The following CNTNAP2 variants were observed in gnomAD, a reference collection of about 807,000 sequenced individuals.
CNTNAP2 encodes contactin associated protein 2.
CNTNAP2 carries 98 observed loss-of-function variants against 155.2 expected under a neutral mutation model. That is an observed-to-expected ratio of 0.63 (90% CI 0.54 to 0.75). CNTNAP2 has a LOEUF of 0.75. Among genes scored for constraint, CNTNAP2 ranks in the 30% least tolerant of loss-of-function variants. The pLI, the probability that CNTNAP2 is intolerant of heterozygous loss-of-function variation, is 0.00. For synonymous variants in CNTNAP2, 651 were observed against 631.2 expected (o/e 1.03, Z -0.47); for missense variants, 1,727 against 1,688.1 (o/e 1.02, Z -0.40).
chr7:146,833,030 TGG>T (rs1264941229), intron 2 of CNTNAP2, among the ~76,000 whole-genome samples: 2 of 152,152 alleles, frequency 1.3e-5, no homozygotes, highest in Non-Finnish European at 2.9e-5. Context: ...TATATATAAT[TGG>T]TAGCCTTTCC....
At chr7:148,332,255 G>C (rs929218817) in intron 21 of CNTNAP2, among the ~76,000 whole-genome samples, 1 of 151,590 alleles carries the variant, frequency 6.6e-6, no homozygotes, top group African/African-American at 2.4e-5. Context: ...AACTATTGTA[G>C]AGCATTGAAT....
At chr7:148,021,105 G>A (rs760405648) in intron 15 of CNTNAP2, among the ~76,000 whole-genome samples, 3 of 152,068 alleles carry the variant, frequency 2.0e-5, no homozygotes, top group Non-Finnish European at 4.4e-5. Context: ...TAATAATAAA[G>A]CCAAAAGGAA....
chr7:146,570,338 C>T (rs528025353), intron 1 of CNTNAP2, among the ~76,000 whole-genome samples: 4 of 152,024 alleles, frequency 2.6e-5, no homozygotes, highest in Non-Finnish European at 5.9e-5. Flanking sequence ...TTTGAACGGT[C>T]TGTTTTGATA....
At chr7:146,253,415 C>T (rs539130479) in intron 1 of CNTNAP2, among the ~76,000 whole-genome samples, 1 of 152,246 alleles carries the variant, frequency 6.6e-6, no homozygotes, top group African/African-American at 2.4e-5. Context: ...CCACACACTG[C>T]AGCGATCACA....
chr7:146,819,794 A>G (rs1451245444), intron 2 of CNTNAP2, among the ~76,000 whole-genome samples: 1 of 152,138 alleles, frequency 6.6e-6, no homozygotes, highest in African/African-American at 2.4e-5. Context: ...TCAACTCAGA[A>G]TGTCTAGAAG....
At chr7:147,247,491 T>A (rs562271860) in intron 8 of CNTNAP2, among the ~76,000 whole-genome samples, 7 of 152,330 alleles carry the variant, frequency 4.6e-5, no homozygotes, top group Non-Finnish European at 1.0e-4. Context: ...TTTGAAAACA[T>A]CTTCTATGGA....
At chr7:146,677,736 A>C (rs1800426909) in intron 1 of CNTNAP2, among the ~76,000 whole-genome samples, 1 of 151,966 alleles carries the variant, frequency 6.6e-6, no homozygotes, top group Non-Finnish European at 1.5e-5. Context: ...TTGTTTACTA[A>C]GAATTTACAT....
At chr7:146,422,072 G>C (rs1796019975) in intron 1 of CNTNAP2, among the ~76,000 whole-genome samples, 1 of 151,080 alleles carries the variant, frequency 6.6e-6, no homozygotes. Context: ...CACATCAACT[G>C]TATTATTTAT....
intron 3 of CNTNAP2, among the ~76,000 whole-genome samples, chr7:146,888,222 T>C (rs1295084113): frequency 6.6e-6 from 1 of 152,132 alleles, no homozygotes; most frequent in Admixed American, 6.6e-5. Flanking sequence ...TCATTAAATA[T>C]ACTTTGGTTT....
intron 13 of CNTNAP2, among the ~76,000 whole-genome samples, chr7:147,661,089 C>G (rs1795601964): frequency 6.6e-6 from 1 of 152,122 alleles, no homozygotes; most frequent in East Asian, 1.9e-4. Context: ...ATGTACCTAT[C>G]TTTCCTGGGC....
chr7:147,649,883 A>G (rs987138901), intron 13 of CNTNAP2, among the ~76,000 whole-genome samples: 1 of 152,086 alleles, frequency 6.6e-6, no homozygotes, highest in African/African-American at 2.4e-5. Context: ...AAAAAAATGT[A>G]CTTTAAACTT....
At chr7:146,217,770 A>G (rs1799136845) in intron 1 of CNTNAP2, among the ~76,000 whole-genome samples, 2 of 152,172 alleles carry the variant, frequency 1.3e-5, no homozygotes, top group Non-Finnish European at 2.9e-5. Flanking sequence ...TTTCCAGGGT[A>G]ATTGAAGCCT....
chr7:147,811,931 T>G (rs1429389789), intron 13 of CNTNAP2, among the ~76,000 whole-genome samples: 1 of 152,166 alleles, frequency 6.6e-6, no homozygotes, highest in Non-Finnish European at 1.5e-5. Context: ...TGATAAATAC[T>G]AAACGCAAGA....
chr7:146,976,808 G>T (rs1439856632), intron 3 of CNTNAP2, among the ~76,000 whole-genome samples: 1 of 152,180 alleles, frequency 6.6e-6, no homozygotes, highest in Non-Finnish European at 1.5e-5. Context: ...ACCCGGCAAA[G>T]CCTGTCTGTT....
chr7:146,347,108 A>C (rs1794830316), intron 1 of CNTNAP2, among the ~76,000 whole-genome samples: 1 of 145,074 alleles, frequency 6.9e-6, no homozygotes, highest in Admixed American at 7.0e-5. Context: ...ATGGAAAGCC[A>C]GGATAGTGTG....
chr7:146,765,888 A>T, intron 1 of CNTNAP2, among the ~76,000 whole-genome samples: 1 of 152,096 alleles, frequency 6.6e-6, no homozygotes, highest in East Asian at 1.9e-4. Context: ...GAGAGGATGG[A>T]AAGGCCTTTG....
At chr7:146,170,217 G>A (rs1431957841) in intron 1 of CNTNAP2, among the ~76,000 whole-genome samples, 1 of 151,936 alleles carries the variant, frequency 6.6e-6, no homozygotes, top group African/African-American at 2.4e-5. Flanking sequence ...AGTAGAATGG[G>A]GTTTCACCGT....
intron 1 of CNTNAP2, among the ~76,000 whole-genome samples, chr7:146,390,991 T>C (rs11975361): frequency 0.54 from 79,494 of 146,272 alleles, 25,154 homozygotes; most frequent in African/African-American, 0.88. Flanking sequence ...TGCTTGAACC[T>C]GGCAGGCAGA....
At chr7:147,860,331 G>A (rs767197706) in intron 13 of CNTNAP2, among the ~76,000 whole-genome samples, 22 of 152,132 alleles carry the variant, frequency 1.4e-4, no homozygotes, top group Admixed American at 2.6e-4. Flanking sequence ...GGCTGAGGCA[G>A]AAGAATCGTT....
Sources: gnomAD v4.1 joint callset for allele counts (sites outside exome capture counted in the v4.1 genomes callset) on GRCh38, gnomAD v4.1.1 for gene constraint, MANE v1.5 for transcripts, NCBI Gene and HGNC (gene_info 2026-07-23, HGNC 2026-07-21) for gene names.